GRM8: variants seen among roughly 807,000 people sequenced by gnomAD.
GRM8 encodes glutamate metabotropic receptor 8.
GRM8 carries 47 observed loss-of-function variants against 87.2 expected under a neutral mutation model. The ratio of observed to expected loss-of-function variants is 0.54; its 90% CI spans 0.43 to 0.69. The LOEUF is 0.69. Among genes scored for constraint, GRM8 ranks in the 30% least tolerant of loss-of-function variants. The pLI is 0.00. For synonymous variants in GRM8, 396 were observed against 404.5 expected (o/e 0.98, Z 0.25); for missense variants, 1,019 against 1,139.2 (o/e 0.89, Z 1.52).
chr7:127,079,597 C>T (rs1822638089), intron 3 of GRM8, among the ~76,000 whole-genome samples: 1 of 152,194 alleles, frequency 6.6e-6, no homozygotes, highest in Admixed American at 6.5e-5. Flanking sequence ...TTCATGCCAG[C>T]CGATTACCCT....
intron 7 of GRM8, among the ~76,000 whole-genome samples, chr7:126,742,991 G>A (rs1245691482): frequency 6.6e-6 from 1 of 152,038 alleles, no homozygotes; most frequent in African/African-American, 2.4e-5. Context: ...CTGGCATATT[G>A]TAGGTATTCA....
chr7:126,593,450 A>AGCAAAC (rs1796878843), intron 8 of GRM8, among the ~76,000 whole-genome samples: 1 of 152,022 alleles, frequency 6.6e-6, no homozygotes, highest in Admixed American at 6.6e-5. Flanking sequence ...AAATCCATAC[A>AGCAAAC]TTTACAGCAA....
At chr7:126,458,638 C>T (rs1386286782) in intron 9 of GRM8, among the ~76,000 whole-genome samples, 1 of 150,800 alleles carries the variant, frequency 6.6e-6, no homozygotes, top group Admixed American at 6.6e-5. Flanking sequence ...ATTTTCACTG[C>T]ATTATTTTAA....
chr7:126,653,485 T>C (rs1188611004), intron 7 of GRM8, among the ~76,000 whole-genome samples: 2 of 152,144 alleles, frequency 1.3e-5, no homozygotes, highest in Non-Finnish European at 2.9e-5. Flanking sequence ...CAAATTATAT[T>C]AAATAAGGTA....
At chr7:126,652,893 C>T (rs1311901404) in intron 7 of GRM8, among the ~76,000 whole-genome samples, 1 of 152,100 alleles carries the variant, frequency 6.6e-6, no homozygotes, top group Non-Finnish European at 1.5e-5. Flanking sequence ...CTATATGTCT[C>T]CTTCCCAATG....
intron 3 of GRM8, among the ~76,000 whole-genome samples, chr7:127,041,903 C>T (rs556666286): frequency 1.3e-5 from 2 of 152,242 alleles, no homozygotes; most frequent in Middle Eastern, 3.4e-3. Flanking sequence ...CCAGTCGAGT[C>T]GAGGGAGCTC....
intron 3 of GRM8, among the ~76,000 whole-genome samples, chr7:126,983,594 T>C (rs1034999531): frequency 7.2e-5 from 11 of 152,096 alleles, no homozygotes; most frequent in African/African-American, 1.7e-4. Flanking sequence ...GGAGTTACAA[T>C]GTTGGCTGGG....
At chr7:127,221,515 C>T (rs1015108580) in intron 2 of GRM8, among the ~76,000 whole-genome samples, 1 of 152,130 alleles carries the variant, frequency 6.6e-6, no homozygotes. Context: ...TGCAAAGATA[C>T]AAAATTCCTA....
chr7:127,036,821 C>T (rs1383982008), intron 3 of GRM8, among the ~76,000 whole-genome samples: 1 of 152,158 alleles, frequency 6.6e-6, no homozygotes, highest in African/African-American at 2.4e-5. Flanking sequence ...GTCTTTTCTT[C>T]TGGATCCTAC....
At chr7:126,863,491 C>T (rs952830523) in intron 6 of GRM8, among the ~76,000 whole-genome samples, 5 of 152,110 alleles carry the variant, frequency 3.3e-5, no homozygotes, top group Admixed American at 2.6e-4. Flanking sequence ...TGAGCCATAG[C>T]AAGATAAAGT....
rs370971270 is a variant in GRM8 at position 127,106,599 on chromosome 7, G to A, written c.624C>T (p.Asp208=). Residue 208 remains aspartate, a synonymous_variant, in exon 3 of 11, where the codon GAC becomes GAT. Transcript: ENST00000339582. ...AATTCCATCCCAGTGCTGTCACGAT[G>A]TCCACCATGGCTTGGGCTTGGTAGG... The part of the protein sequence containing the change: ...PDSYQAQAMV[D]IVTALGWNYV... The A allele has an allele frequency of 4.6e-5, 74 of 1,614,078 alleles. 1 individual carries two copies. The East Asian group carries it at 6.5e-4, about 14-fold the overall frequency.
intron 9 of GRM8, among the ~76,000 whole-genome samples, chr7:126,491,027 G>A (rs981771816): frequency 2.2e-4 from 34 of 151,964 alleles, no homozygotes; most frequent in African/African-American, 8.2e-4. Flanking sequence ...TAGCCAAAAT[G>A]AATTGAAAAC....
At chr7:126,997,135 A>G (rs947355878) in intron 3 of GRM8, among the ~76,000 whole-genome samples, 5 of 146,194 alleles carry the variant, frequency 3.4e-5, no homozygotes, top group Middle Eastern at 3.4e-3. Flanking sequence ...ATCAGTAACA[A>G]CAGGAATTTT....
At chr7:126,716,522 C>G (rs978992131) in intron 7 of GRM8, among the ~76,000 whole-genome samples, 7 of 152,102 alleles carry the variant, frequency 4.6e-5, no homozygotes, top group Admixed American at 3.9e-4. Context: ...GTGGGTGCTG[C>G]TAGAACGTAT....
intron 7 of GRM8, among the ~76,000 whole-genome samples, chr7:126,719,883 C>A (rs886130439): frequency 7.0e-6 from 1 of 141,866 alleles, no homozygotes. Flanking sequence ...AAGGTATTTA[C>A]TGATTTCTAT....
chr7:126,518,695 T>A (rs1026563312), intron 9 of GRM8, among the ~76,000 whole-genome samples: 3 of 152,118 alleles, frequency 2.0e-5, no homozygotes, highest in African/African-American at 7.2e-5. Flanking sequence ...CCTGCATTAA[T>A]TTGCATCTCT....
intron 1 of GRM8, among the ~76,000 whole-genome samples, chr7:127,247,940 C>T (rs938506848): frequency 1.8e-4 from 27 of 152,194 alleles, no homozygotes; most frequent in African/African-American, 6.5e-4. Flanking sequence ...AAGCCAGCCT[C>T]ATATTTTAAA....
intron 3 of GRM8, among the ~76,000 whole-genome samples, chr7:127,036,949 C>T (rs1364081739): frequency 1.3e-5 from 2 of 151,842 alleles, no homozygotes; most frequent in Admixed American, 1.3e-4. Flanking sequence ...ATTTAATGAC[C>T]CACATTTACC....
intron 2 of GRM8, among the ~76,000 whole-genome samples, chr7:127,160,991 A>C (rs1022444609): frequency 3.3e-5 from 5 of 152,194 alleles, no homozygotes; most frequent in Non-Finnish European, 5.9e-5. Context: ...AGAGAAAGAC[A>C]GTCAAGGACG....
Sources: allele counts gnomAD v4.1 joint callset (sites outside exome capture counted in the v4.1 genomes callset), GRCh38; gene constraint gnomAD v4.1.1; transcripts MANE v1.5; gene names NCBI Gene and HGNC (gene_info 2026-07-23, HGNC 2026-07-21).